The following STAC variants were observed in gnomAD, a reference collection of about 807,000 sequenced individuals.
The protein encoded by STAC is SH3 and cysteine-rich domain-containing protein.
STAC carries 43 observed loss-of-function variants against 48.8 expected under a neutral mutation model. The ratio of observed to expected loss-of-function variants is 0.88; its 90% CI spans 0.69 to 1.14. STAC has a LOEUF of 1.14. STAC is among the 50% of genes most tolerant of loss of function. The pLI is 0.00. For synonymous variants in STAC, 193 were observed against 179.5 expected, an observed-to-expected ratio of 1.07 and a Z score of -0.60; for missense variants, 497 against 504.0, an observed-to-expected ratio of 0.99 and a Z score of 0.13.
intron 1 of STAC, among the ~76,000 whole-genome samples, chr3:36,402,445 C>T (rs1239181330): frequency 6.6e-6 from 1 of 151,896 alleles, no homozygotes; most frequent in Non-Finnish European, 1.5e-5. Flanking sequence ...ATCACAACAA[C>T]CCTCTCAAAG....
intron 1 of STAC, among the ~76,000 whole-genome samples, chr3:36,383,539 C>CT (rs1417733818): frequency 6.6e-6 from 1 of 152,102 alleles, no homozygotes; most frequent in Non-Finnish European, 1.5e-5. Context: ...AATATGCTAT[C>CT]AGGTTACATC....
chr3:36,486,092 C>G (rs1281169528), intron 4 of STAC, 42 bp from the exon 5 acceptor site: 3 of 1,536,752 alleles, frequency 2.0e-6, no homozygotes, highest in Non-Finnish European at 2.7e-6. Context: ...GCTGGGTCCT[C>G]TCAGATGAGC....
At chr3:36,418,974 G>C in intron 1 of STAC, among the ~76,000 whole-genome samples, 1 of 150,656 alleles carries the variant, frequency 6.6e-6, no homozygotes, top group Non-Finnish European at 1.5e-5. Context: ...TTGAACCTGA[G>C]AGGCGGAGGT....
chr3:36,405,854 G>C (rs191404986), intron 1 of STAC, among the ~76,000 whole-genome samples: 1 of 152,234 alleles, frequency 6.6e-6, no homozygotes, highest in African/African-American at 2.4e-5. Context: ...CAAGTAGCTG[G>C]GACTACAGGC....
At position 36,513,452 on chromosome 3, in the gene STAC, T is replaced by C. The variant is rs557773809; in HGVS notation, c.920+7618T>C. ...AACTGTATCTATCCCCACCTTCATA[T>C]CTTACCTGGACTGTTGTAAAAGAGC... On this transcript the variant is annotated intron_variant, in intron 8 of 10. Coordinates refer to ENST00000273183, the MANE Select transcript of STAC (RefSeq NM_003149.3). Among the ~76,000 whole-genome samples the C allele has an allele frequency of 2.6e-5, 4 of 152,308 alleles. No individual in the cohort carries two copies. In the East Asian group the frequency reaches 7.7e-4, roughly 29 times the overall value.
intron 1 of STAC, among the ~76,000 whole-genome samples, chr3:36,385,754 C>T (rs191119970): frequency 2.0e-5 from 3 of 152,144 alleles, no homozygotes; most frequent in East Asian, 3.9e-4. Flanking sequence ...TTGAATCATA[C>T]AATATTTTAT....
chr3:36,455,247 A>G (rs1197456121), intron 2 of STAC, among the ~76,000 whole-genome samples: 5 of 152,238 alleles, frequency 3.3e-5, no homozygotes, highest in Non-Finnish European at 7.3e-5. Context: ...CCATCCAGGA[A>G]GAAATAGAAA....
At chr3:36,482,896 A>T in intron 2 of STAC, 96 bp from the exon 3 acceptor site, 1 of 768,348 alleles carries the variant, frequency 1.3e-6, no homozygotes, top group Non-Finnish European at 2.1e-6. Flanking sequence ...GTTGTAGGAA[A>T]GAATTACCTG....
chr3:36,469,918 G>A (rs1458883882), intron 2 of STAC, among the ~76,000 whole-genome samples: 1 of 152,032 alleles, frequency 6.6e-6, no homozygotes, highest in African/African-American at 2.4e-5. Context: ...TTCAGAAGTT[G>A]TGATTGTTTT....
At chr3:36,502,578 T>C (rs1358460609) in intron 6 of STAC, among the ~76,000 whole-genome samples, 2 of 152,232 alleles carry the variant, frequency 1.3e-5, no homozygotes, top group Non-Finnish European at 2.9e-5. Flanking sequence ...ACACTGAACA[T>C]TGTATATGCA....
intron 8 of STAC, among the ~76,000 whole-genome samples, chr3:36,525,825 G>A (rs1698918530): frequency 6.6e-6 from 1 of 152,194 alleles, no homozygotes; most frequent in Non-Finnish European, 1.5e-5. Flanking sequence ...TGCCAGTTGT[G>A]CTTAATGCTG....
chr3:36,392,442 C>A (rs1224511756), intron 1 of STAC, among the ~76,000 whole-genome samples: 1 of 152,138 alleles, frequency 6.6e-6, no homozygotes, highest in Non-Finnish European at 1.5e-5. Context: ...CAGGCTCAAG[C>A]AATCCTCCCA....
chr3:36,419,635 C>T (rs879567881), intron 1 of STAC, among the ~76,000 whole-genome samples: 3 of 152,064 alleles, frequency 2.0e-5, no homozygotes, highest in Admixed American at 6.5e-5. Context: ...CATACAATGG[C>T]CTGACAGAAA....
intron 2 of STAC, among the ~76,000 whole-genome samples, chr3:36,476,983 T>A (rs1319057806): frequency 1.3e-5 from 2 of 152,218 alleles, no homozygotes; most frequent in Non-Finnish European, 2.9e-5. Context: ...AGCAGAGGCC[T>A]AGAAATTCTT....
chr3:36,440,923 TTC>T (rs1343465219), intron 1 of STAC, among the ~76,000 whole-genome samples: 1 of 152,206 alleles, frequency 6.6e-6, no homozygotes, highest in Non-Finnish European at 1.5e-5. Context: ...CACCATTTGT[TTC>T]TTTTTCTCTT....
At chr3:36,523,569 G>A (rs896546899) in intron 8 of STAC, among the ~76,000 whole-genome samples, 1 of 152,192 alleles carries the variant, frequency 6.6e-6, no homozygotes, top group Non-Finnish European at 1.5e-5. Context: ...TAGACGTAAT[G>A]TATCAAGAAC....
chr3:36,511,932 TATA>T (rs1460546910), intron 8 of STAC, among the ~76,000 whole-genome samples: 1 of 152,154 alleles, frequency 6.6e-6, no homozygotes, highest in Non-Finnish European at 1.5e-5. Context: ...TCATGGTGGA[TATA>T]ATATCTAGCA....
intron 2 of STAC, among the ~76,000 whole-genome samples, chr3:36,458,070 A>G (rs577247157): frequency 5.1e-4 from 77 of 152,260 alleles, no homozygotes; most frequent in African/African-American, 1.8e-3. Context: ...AGGAGTGGGG[A>G]ACATAGGCAG....
At chr3:36,425,150 G>A (rs952523099) in intron 1 of STAC, among the ~76,000 whole-genome samples, 2 of 152,124 alleles carry the variant, frequency 1.3e-5, no homozygotes, top group Non-Finnish European at 2.9e-5. Context: ...ATTATGAAGG[G>A]GAAAGAGGTA....
Sources: gnomAD v4.1 joint callset for allele counts (sites outside exome capture counted in the v4.1 genomes callset) on GRCh38, gnomAD v4.1.1 for gene constraint, MANE v1.5 for transcripts, NCBI Gene and HGNC (gene_info 2026-07-23, HGNC 2026-07-21) for gene names.